Variants in CACNA1I observed in about 807,000 individuals in gnomAD.
CACNA1I encodes the protein voltage-dependent T-type calcium channel subunit alpha-1I.
A neutral mutation model predicts 201.6 loss-of-function variants in CACNA1I; 74 were observed. The observed-to-expected ratio is 0.37, with a 90% CI of 0.30 to 0.45. The LOEUF (loss-of-function observed/expected upper bound fraction) is 0.45. CACNA1I is among the 20% of genes least tolerant of loss of function. CACNA1I has a pLI of 1.00. For synonymous variants in CACNA1I, 1,431 were observed against 1,345.2 expected (o/e 1.06, Z -1.40); for missense variants, 2,346 against 3,138.1 (o/e 0.75, Z 6.03).
In CACNA1I at chr22:39,677,921, C is replaced by CT. The variant is rs1414530760; in HGVS notation, c.4934-66_4934-65insT. ...GGGTTCTGAGGCGAGGCGGGAGGCA[C>CT]CAGGTCAGGGTGAGCCCCGCAGGCA... On this transcript the variant is annotated intron_variant, in intron 30 of 36. Transcript: ENST00000402142. This position sits in a 1 kb window ranked among gnomAD's most constrained non-coding sequence, Gnocchi z 4.8. The CT allele has an allele frequency of 2.7e-6, 4 of 1,505,106 alleles. No individual in the cohort carries two copies. The African/African-American group carries it at 5.5e-5, about 21-fold the overall frequency. 93.2% of individuals were successfully genotyped at this position (1,505,106 alleles called of 1,614,324 possible).
intron 1 of CACNA1I, among the ~76,000 whole-genome samples, chr22:39,577,982 C>T (rs1932415815): frequency 6.6e-6 from 1 of 152,188 alleles, no homozygotes; most frequent in Admixed American, 6.5e-5. Flanking sequence ...AATTCTGGGG[C>T]AAGCATGGAC....
chr22:39,686,177 G>T lies in CACNA1I; in HGVS notation c.6444G>T (p.Thr2148=). The T allele has an allele frequency of 7.8e-7, 1 of 1,275,186 alleles. No individual in the cohort carries two copies. Among genetic ancestry groups the T allele is most frequent in the Non-Finnish European group, 9.9e-7 (1 of 1,010,784 alleles). 79.0% of individuals were successfully genotyped at this position (1,275,186 alleles called of 1,614,324 possible). ...PPPPPPAPGL[T]PARKFSSTSS... ...CCCCGCCGCCAGCCCCCGGCCTCACGCCCGCCAGGAAGTTCAGCAGCACCA... is the reference window on the plus strand; with the variant it reads ...CCCCGCCGCCAGCCCCCGGCCTCACTCCCGCCAGGAAGTTCAGCAGCACCA... The change falls in exon 37 of 37, where the codon ACG becomes ACT. Residue 2148 remains threonine, a synonymous_variant. Transcript: ENST00000402142.
chr22:39,670,341 C>T, intron 25 of CACNA1I, 111 bp downstream of exon 25: 2 of 1,126,658 alleles, frequency 1.8e-6, no homozygotes, highest in Non-Finnish European at 2.5e-6. Flanking sequence ...AAGATACAGC[C>T]CCTGTGCCCA....
chr22:39,682,588 G>T lies in CACNA1I; in HGVS notation c.5757G>T (p.Glu1919Asp), dbSNP rs1377649095. 6 of 1,613,664 alleles carry T rather than the reference G, an allele frequency of 3.7e-6. No individual in the cohort carries two copies. The Middle Eastern group carries it at 5.0e-4, about 133-fold the overall frequency. Residue 1919 changes from glutamate to aspartate, a missense_variant, in exon 35 of 37, where the codon GAG becomes GAT. Physicochemically the swap from Glu to Asp is conservative, Grantham distance 45. Transcript: ENST00000402142. ...LSSTAVSPDP[E>D]NFLCEMEEIP... ...CTACGGCCGTCTCGCCGGATCCAGAGAACTTCCTGTGTGAGATGGAGGAGA... is the reference window on the plus strand; with the variant it reads ...CTACGGCCGTCTCGCCGGATCCAGATAACTTCCTGTGTGAGATGGAGGAGA...
At position 39,642,814 on chromosome 22, in the gene CACNA1I, C is replaced by G. The variant is rs1402312392; in HGVS notation, c.1074C>G (p.Gly358=). Residue 358 remains glycine (G), a synonymous_variant, in exon 7 of 37, where the codon GGC becomes GGG. Transcript: ENST00000402142. The part of the protein sequence containing the change: ...IVIFQVITLE[G]WVEIMYYVMD... ...CGCTGCAGGTGATCACTCTGGAAGG[C>G]TGGGTGGAGATCATGTACTACGTGA... 6.2e-7 allele frequency: 1 copy of G among 1,610,546 alleles called. No homozygotes were observed. Among genetic ancestry groups the G allele is most frequent in the Non-Finnish European group, 8.5e-7 (1 of 1,178,262 alleles).
chr22:39,626,251 T>C (rs1392377207), intron 4 of CACNA1I, among the ~76,000 whole-genome samples: 1 of 152,194 alleles, frequency 6.6e-6, no homozygotes, highest in African/African-American at 2.4e-5. Flanking sequence ...ATAATACCCA[T>C]GTCCATCTGG....
intron 2 of CACNA1I, among the ~76,000 whole-genome samples, chr22:39,599,074 G>A (rs950980963): frequency 3.0e-4 from 44 of 146,548 alleles, no homozygotes; most frequent in Admixed American, 3.5e-4. Context: ...TCAGCCTCCT[G>A]AGCAGCTGGG....
chr22:39,584,869 T>C (rs914859564), intron 1 of CACNA1I, among the ~76,000 whole-genome samples: 1 of 152,206 alleles, frequency 6.6e-6, no homozygotes, highest in Non-Finnish European at 1.5e-5. Flanking sequence ...TCATGGTCCT[T>C]GTAGAGCTCT....
chr22:39,600,396 T>A, intron 2 of CACNA1I, 124 bp from the exon 3 acceptor site: 1 of 722,640 alleles, frequency 1.4e-6, no homozygotes, highest in Non-Finnish European at 2.3e-6. Flanking sequence ...CAGGAGGAGT[T>A]TCCGGGTGTT....
chr22:39,618,389 G>T (rs1346190037), intron 3 of CACNA1I, among the ~76,000 whole-genome samples: 1 of 151,758 alleles, frequency 6.6e-6, no homozygotes, highest in Admixed American at 6.6e-5. Flanking sequence ...GCATGGGTGT[G>T]ACTGTGGGTG....
In CACNA1I at chr22:39,684,155, G is replaced by C. The variant is rs776836301; in HGVS notation, c.5831-147G>C. 4.6e-6 allele frequency: 3 copies of C among 651,946 alleles called. No individual in the cohort carries two copies. Among genetic ancestry groups the C allele is most frequent in the African/African-American group, 1.8e-5 (1 of 55,258 alleles). The allele number at this position is 651,946 out of a possible 1,614,324, so 40.4% of individuals were successfully genotyped here. The stretch of plus-strand genomic sequence containing the variant: ...CAATGGGGAAACGAAGGCTTAGAGA[G>C]GGGGGACTTGTCCACAGTCTCACAG... On this transcript the variant is annotated intron_variant, in intron 35 of 36. Transcript: ENST00000402142. The surrounding 1 kb of genome is among the most constrained non-coding windows in gnomAD (Gnocchi z 4.6).
rs963747954 is a variant in CACNA1I at position 39,648,057 on chromosome 22, C to T, written c.1567+131C>T. ...GCCGCGACCCTCTGCAGGCCTGTCT[C>T]CCTCTATAAAGTGAGGACAGGGGCC... is the stretch of plus-strand genomic sequence containing the variant. On this transcript the variant is annotated intron_variant, in intron 9 of 36. Coordinates refer to ENST00000402142, the MANE Select transcript of CACNA1I (RefSeq NM_021096.4). The surrounding 1 kb of genome is among the most constrained non-coding windows in gnomAD (Gnocchi z 5.4). 7 of 782,528 alleles carry T rather than the reference C, an allele frequency of 8.9e-6. No homozygotes were observed. The highest frequency in any genetic ancestry group is 8.7e-5 in the African/African-American group (5 of 57,776). 48.5% of individuals were successfully genotyped at this position (782,528 alleles called of 1,614,324 possible).
At position 39,648,033 on chromosome 22, in the gene CACNA1I, C is replaced by T. The variant is rs867477433; in HGVS notation, c.1567+107C>T. ...AGGCATGGGGACGGCGCTTGAGCAGCCGCGACCCTCTGCAGGCCTGTCTCC... is the reference window on the plus strand; with the variant it reads ...AGGCATGGGGACGGCGCTTGAGCAGTCGCGACCCTCTGCAGGCCTGTCTCC... On this transcript the variant is annotated intron_variant, in intron 9 of 36. Transcript: ENST00000402142. The surrounding 1 kb of genome is among the most constrained non-coding windows in gnomAD (Gnocchi z 5.4). The T allele has an allele frequency of 5.3e-6, 5 of 948,016 alleles. No homozygotes were observed. Among genetic ancestry groups the T allele is most frequent in the East Asian group, 5.2e-5 (2 of 38,654 alleles). The allele number at this position is 948,016 out of a possible 1,614,324, so 58.7% of individuals were successfully genotyped here. A position where few individuals can be genotyped will look rare whatever the true frequency, so the allele number is the denominator to read the frequency against.
Position 39,679,426 on chromosome 22 carries a change from G to C in CACNA1I, c.5375G>C (p.Arg1792Pro), listed in dbSNP as rs1465752292. The C allele has an allele frequency of 7.0e-7, 1 of 1,425,310 alleles. No homozygotes were observed. Among genetic ancestry groups the C allele is most frequent in the East Asian group, 2.7e-5 (1 of 36,944 alleles). The allele number at this position is 1,425,310 out of a possible 1,614,324, so 88.3% of individuals were successfully genotyped here. A position where few individuals can be genotyped will look rare whatever the true frequency, so the allele number is the denominator to read the frequency against. ...GACACCGAGGGCGGCTTGTGCCGGC[G>C]CTGCTACTCGCCTGCCCAGGTGGGC... ...GGDTEGGLCRRCYSPAQENLW... is the reference protein window; with the variant it reads ...GGDTEGGLCRPCYSPAQENLW... The change falls in exon 32 of 37, where the codon CGC (arginine) becomes CCC (proline). Residue 1792 changes from arginine (R) to proline (P), a missense_variant. By Grantham distance (103) the Arg-to-Pro change is moderately radical (BLOSUM62 -2). Coordinates refer to ENST00000402142, the MANE Select transcript of CACNA1I (RefSeq NM_021096.4).
chr22:39,670,835 T>C lies in CACNA1I; in HGVS notation c.4420T>C (p.Cys1474Arg). 1 of 1,613,874 alleles carries C rather than the reference T, an allele frequency of 6.2e-7. No individual in the cohort carries two copies. The highest frequency in any genetic ancestry group is 8.5e-7 in the Non-Finnish European group (1 of 1,179,854). Reference protein sequence around the residue: ...AQRLPYYATYCHTRLLIHSMC... With the variant: ...AQRLPYYATYRHTRLLIHSMC... ...GCGGCTGCCCTACTATGCCACCTATTGTCACACCCGGCTGCTCATCCACTC... is the reference window on the plus strand; with the variant it reads ...GCGGCTGCCCTACTATGCCACCTATCGTCACACCCGGCTGCTCATCCACTC... The change falls in exon 26 of 37, where the codon TGT becomes CGT. Residue 1474 changes from cysteine to arginine, a missense_variant. This residue lies in a region of CACNA1I where 228 missense variants were observed against 395.7 expected (regional missense o/e 0.58). Transcript: ENST00000402142.
chr22:39,684,250 G>A lies in CACNA1I; in HGVS notation c.5831-52G>A, dbSNP rs1032531962. ...TGCTCAATGCCACCTTCCAGGGGCTGCCCCCTGGCCTGAGCGTGCTCCCTC... is the reference window on the plus strand; with the variant it reads ...TGCTCAATGCCACCTTCCAGGGGCTACCCCCTGGCCTGAGCGTGCTCCCTC... On this transcript the variant is annotated intron_variant, in intron 35 of 36. Transcript: ENST00000402142. This position sits in a 1 kb window ranked among gnomAD's most constrained non-coding sequence, Gnocchi z 4.6. 14 of 1,527,110 alleles carry A rather than the reference G, an allele frequency of 9.2e-6. No individual in the cohort carries two copies. The African/African-American group carries it at 1.8e-4, about 19-fold the overall frequency. 94.6% of individuals were successfully genotyped at this position (1,527,110 alleles called of 1,614,324 possible). A position where few individuals can be genotyped will look rare whatever the true frequency, so the allele number is the denominator to read the frequency against.
chr22:39,647,703 C>T (rs995032597), intron 8 of CACNA1I, 119 bp from the exon 9 acceptor site: 35 of 709,494 alleles, frequency 4.9e-5, no homozygotes, highest in South Asian at 2.2e-4. Context: ...CATGAGCCAC[C>T]GCCCCTGGCC....
intron 4 of CACNA1I, among the ~76,000 whole-genome samples, chr22:39,622,748 GTCC>G: frequency 7.2e-6 from 1 of 139,454 alleles, no homozygotes; most frequent in East Asian, 2.4e-4. Context: ...CCCAGTCCAG[GTCC>G]TCCTTGAGTG....
intron 8 of CACNA1I, 36 bp downstream of exon 8, chr22:39,646,917 C>A: frequency 1.4e-6 from 2 of 1,454,904 alleles, no homozygotes; most frequent in Non-Finnish European, 1.8e-6. Context: ...CACTCAGGCA[C>A]TTCGTGCCAA....
Sources: gnomAD v4.1 joint callset for allele counts (sites outside exome capture counted in the v4.1 genomes callset) on GRCh38, gnomAD v4.1.1 for gene constraint, gnomAD v4.1.1 regional missense constraint, Gnocchi (gnomAD v3.1) non-coding constraint, MANE v1.5 for transcripts, NCBI Gene and HGNC (gene_info 2026-07-23, HGNC 2026-07-21) for gene names.